FAM114A1: variants seen among roughly 807,000 people sequenced by gnomAD.
FAM114A1 encodes the protein family with sequence similarity 114 member A1.
In FAM114A1, 62 loss-of-function variants were observed where a neutral mutation model predicts 64.3. That is an observed-to-expected ratio of 0.96 (90% CI 0.79 to 1.19). FAM114A1 has a LOEUF of 1.19. Among genes scored for constraint, FAM114A1 ranks in the 50% most tolerant of loss-of-function variants. The pLI is 0.00. For synonymous variants in FAM114A1, 254 were observed against 251.1 expected, an observed-to-expected ratio of 1.01 and a Z score of -0.11; for missense variants, 645 against 676.3, an observed-to-expected ratio of 0.95 and a Z score of 0.51.
At chr4:38,869,333 G>A (rs948677825) in intron 2 of FAM114A1, among the ~76,000 whole-genome samples, 1 of 152,216 alleles carries the variant, frequency 6.6e-6, no homozygotes, top group Non-Finnish European at 1.5e-5. Flanking sequence ...GTGTCTAGAG[G>A]AATAGGAGTT....
At chr4:38,924,970 C>T (rs371340670) in intron 9 of FAM114A1, among the ~76,000 whole-genome samples, 8 of 152,338 alleles carry the variant, frequency 5.3e-5, no homozygotes, top group African/African-American at 1.9e-4. Flanking sequence ...GCCAATGCAA[C>T]TAAAGAAATA....
chr4:38,887,922 C>T (rs1318343848), intron 3 of FAM114A1, among the ~76,000 whole-genome samples: 1 of 152,114 alleles, frequency 6.6e-6, no homozygotes, highest in East Asian at 1.9e-4. Flanking sequence ...GTGTTGATCA[C>T]CCTATGAGTT....
intron 9 of FAM114A1, among the ~76,000 whole-genome samples, chr4:38,927,438 T>C (rs1384902712): frequency 6.6e-6 from 1 of 152,130 alleles, no homozygotes; most frequent in Non-Finnish European, 1.5e-5. Flanking sequence ...TGGGGCCTCT[T>C]TTTTTAGGGC....
intron 10 of FAM114A1, among the ~76,000 whole-genome samples, chr4:38,929,937 C>G (rs1720492287): frequency 6.6e-6 from 1 of 152,096 alleles, no homozygotes. Flanking sequence ...CTTTTCATGG[C>G]AAAATAGAAT....
intron 14 of FAM114A1, 81 bp from the exon 15 acceptor site, chr4:38,943,375 T>G: frequency 8.2e-7 from 1 of 1,219,208 alleles, no homozygotes; most frequent in Non-Finnish European, 1.2e-6. Context: ...GGTTGAAGAG[T>G]GGGAACATTA....
At chr4:38,876,162 C>CTTTTTTTTT (rs1310747810) in intron 2 of FAM114A1, among the ~76,000 whole-genome samples, 2 of 99,266 alleles carry the variant, frequency 2.0e-5, no homozygotes, top group African/African-American at 5.3e-5. Flanking sequence ...TAGACTTATT[C>CTTTTTTTTT]TTTTTTCTTT....
At chr4:38,915,743 TGGTGTG>T (rs1560316242) in intron 8 of FAM114A1, among the ~76,000 whole-genome samples, 2 of 114,086 alleles carry the variant, frequency 1.8e-5, no homozygotes, top group Non-Finnish European at 1.8e-5. Flanking sequence ...GCATCTATAG[TGGTGTG>T]TGTGTGTGTG....
chr4:38,926,713 C>G (rs1720133502), intron 9 of FAM114A1, among the ~76,000 whole-genome samples: 1 of 152,150 alleles, frequency 6.6e-6, no homozygotes, highest in Non-Finnish European at 1.5e-5. Context: ...ACGTTGGCCT[C>G]CTAAAGTGCT....
intron 3 of FAM114A1, among the ~76,000 whole-genome samples, chr4:38,885,285 T>G (rs1028290232): frequency 6.6e-6 from 1 of 151,852 alleles, no homozygotes; most frequent in African/African-American, 2.4e-5. Flanking sequence ...CCGTCCTGTT[T>G]TAAAAAAATA....
At chr4:38,916,261 G>A (rs1475499352) in intron 8 of FAM114A1, among the ~76,000 whole-genome samples, 1 of 152,202 alleles carries the variant, frequency 6.6e-6, no homozygotes, top group Admixed American at 6.5e-5. Context: ...TTCAGGGAAA[G>A]TCTTGTGGTT....
intron 7 of FAM114A1, among the ~76,000 whole-genome samples, chr4:38,913,992 C>T (rs1012008636): frequency 5.3e-5 from 8 of 151,812 alleles, no homozygotes; most frequent in Admixed American, 3.3e-4. Context: ...CCCAGCTACT[C>T]GGGAGGCTGA....
chr4:38,880,100 A>AGTAGAATAGAATAGAATAGAATAG (rs1196622410), intron 3 of FAM114A1, among the ~76,000 whole-genome samples: 3 of 99,014 alleles, frequency 3.0e-5, no homozygotes, highest in African/African-American at 1.0e-4. Context: ...AAATAAAATA[A>AGTAGAATAGAATAGAATAGAATAG]AATAGAGTAG....
chr4:38,898,126 ATAG>A (rs1255586004), intron 4 of FAM114A1, among the ~76,000 whole-genome samples: 1 of 152,216 alleles, frequency 6.6e-6, no homozygotes, highest in East Asian at 1.9e-4. Flanking sequence ...GAAGAGCTCT[ATAG>A]TAGAATACAG....
intron 2 of FAM114A1, among the ~76,000 whole-genome samples, chr4:38,876,467 T>C (rs542060941): frequency 6.6e-6 from 1 of 151,922 alleles, no homozygotes; most frequent in Non-Finnish European, 1.5e-5. Context: ...CATTGCACCC[T>C]GCCTTCCTAT....
At chr4:38,904,926 G>A (rs1421247687) in intron 4 of FAM114A1, among the ~76,000 whole-genome samples, 5 of 152,144 alleles carry the variant, frequency 3.3e-5, no homozygotes, top group Admixed American at 6.5e-5. Flanking sequence ...TGAAGCATCC[G>A]GGAGCACTTT....
intron 2 of FAM114A1, among the ~76,000 whole-genome samples, chr4:38,877,839 C>T (rs1029530222): frequency 9.2e-5 from 14 of 151,536 alleles, no homozygotes; most frequent in African/African-American, 3.4e-4. Context: ...TGGCACATGC[C>T]TGTAATCCCA....
chr4:38,915,444 A>G (rs1271119730), intron 8 of FAM114A1, among the ~76,000 whole-genome samples: 1 of 152,162 alleles, frequency 6.6e-6, no homozygotes, highest in Non-Finnish European at 1.5e-5. Flanking sequence ...ATTCCTACCC[A>G]ATGCAAACAA....
intron 8 of FAM114A1, among the ~76,000 whole-genome samples, chr4:38,922,256 A>G (rs937495185): frequency 4.6e-5 from 7 of 152,210 alleles, no homozygotes; most frequent in South Asian, 2.1e-4. Context: ...ATGTATATTT[A>G]TAAGTATTGA....
chr4:38,877,994 GATTT>G, intron 2 of FAM114A1, 73 bp from the exon 3 acceptor site: 1 of 1,273,900 alleles, frequency 7.8e-7, no homozygotes, highest in Non-Finnish European at 1.1e-6. Context: ...TCCCCTACCA[GATTT>G]ATTTATCCAG....
Sources: gnomAD v4.1 joint callset for allele counts (sites outside exome capture counted in the v4.1 genomes callset) on GRCh38, gnomAD v4.1.1 for gene constraint, MANE v1.5 for transcripts, NCBI Gene and HGNC (gene_info 2026-07-23, HGNC 2026-07-21) for gene names.